Variants in RHBDF2 observed in about 807,000 individuals in gnomAD.
RHBDF2 encodes rhomboid 5 homolog 2.
A neutral mutation model predicts 95.2 loss-of-function variants in RHBDF2; 38 were observed. The ratio of observed to expected loss-of-function variants is 0.40; its 90% CI spans 0.31 to 0.52. RHBDF2 has a LOEUF of 0.52. Ranked by LOEUF, RHBDF2 falls within the 20% of genes least tolerant of loss-of-function variation. The pLI, the probability that RHBDF2 is intolerant of heterozygous loss-of-function variation, is 0.56. For synonymous variants in RHBDF2, 442 were observed against 462.0 expected (o/e 0.96, Z 0.55); for missense variants, 863 against 1,137.7 (o/e 0.76, Z 3.47).
intron 1 of RHBDF2, chr17:76,501,107 C>A (rs1006608829): frequency 1.3e-5 from 2 of 152,248 alleles, no homozygotes; most frequent in African/African-American, 4.8e-5. Flanking sequence ...GCGTCCTGTC[C>A]GAGCCGAGCC....
Position 76,476,791 on chromosome 17 carries a change from C to T in RHBDF2, c.1115+39G>A, listed in dbSNP as rs1294062046. On this transcript the variant is annotated intron_variant, in intron 9 of 18. Coordinates refer to ENST00000675367, the MANE Select transcript of RHBDF2 (RefSeq NM_001005498.4). ...AGGAGGGCCCAGAGGAATTTGGAAC[C>T]TTCCAGGCTCTCCTGGGGGCTCCAG... 5 of 1,543,282 alleles carry T rather than the reference C, an allele frequency of 3.2e-6. No individual in the cohort carries two copies. The African/African-American group carries it at 6.8e-5, about 21-fold the overall frequency.
chr17:76,473,265 G>A lies in RHBDF2; in HGVS notation c.1796C>T (p.Thr599Ile), dbSNP rs1459276321. Reference protein sequence around the residue: ...FMHGYFHEEATLCSQVHCLDK... With the variant: ...FMHGYFHEEAILCSQVHCLDK... The stretch of plus-strand genomic sequence containing the variant: ...GCCTCGCCTCACCTGGGAGCAGAGT[G>A]TTGCTTCCTCATGGAAATAGCCGTG... Residue 599 changes from threonine to isoleucine, a missense_variant, in exon 16 of 19, where the codon ACA becomes ATA. By Grantham distance (89) the Thr-to-Ile change is moderately conservative (BLOSUM62 -1). This residue lies in a region of RHBDF2 where 252 missense variants were observed against 412.2 expected (regional missense o/e 0.61). Transcript: ENST00000675367. 22 of 1,612,702 alleles carry A rather than the reference G, an allele frequency of 1.4e-5. No homozygotes were observed. Among genetic ancestry groups the A allele is most frequent in the Non-Finnish European group, 1.9e-5 (22 of 1,179,388 alleles).
intron 1 of RHBDF2, among the ~76,000 whole-genome samples, chr17:76,489,306 G>A (rs1169022513): frequency 1.3e-5 from 2 of 148,490 alleles, no homozygotes; most frequent in African/African-American, 2.5e-5. Flanking sequence ...TTTAAAGCAC[G>A]AAACCCAGGG....
Position 76,475,029 on chromosome 17 carries a change from C to G in RHBDF2, c.1227+1G>C. On this transcript the variant is annotated splice_donor_variant, in intron 10 of 18. Transcript: ENST00000675367. LOFTEE classifies it high-confidence loss of function. ...CCAGCATGGAGCCTGACCCGACTCACCAGCTGGGTGGTGACGTGCTGGGCA... is the reference window on the plus strand; with the variant it reads ...CCAGCATGGAGCCTGACCCGACTCAGCAGCTGGGTGGTGACGTGCTGGGCA... 2.5e-6 allele frequency: 4 copies of G among 1,578,630 alleles called. No homozygotes were observed. Among genetic ancestry groups the G allele is most frequent in the Non-Finnish European group, 3.4e-6 (4 of 1,161,896 alleles).
At chr17:76,479,348 G>T in intron 4 of RHBDF2, 71 bp from the exon 5 acceptor site, 1 of 1,537,210 alleles carries the variant, frequency 6.5e-7, no homozygotes, top group South Asian at 1.2e-5. Flanking sequence ...TGTGGAAGGG[G>T]TGATGGCACG....
chr17:76,481,996 CACACACAAA>C (rs2073985843), intron 2 of RHBDF2: 1 of 60,832 alleles, frequency 1.6e-5, no homozygotes, highest in African/African-American at 5.1e-5. Flanking sequence ...CACACACACA[CACACACAAA>C]ACCAAAAACA....
At chr17:76,476,648 C>G in intron 9 of RHBDF2, 182 bp downstream of exon 9, 1 of 879,542 alleles carries the variant, frequency 1.1e-6, no homozygotes, top group Non-Finnish European at 1.7e-6. Flanking sequence ...CACCCCTGGC[C>G]CTTCCCAGGT....
At chr17:76,500,595 C>A (rs988813035) in intron 1 of RHBDF2, among the ~76,000 whole-genome samples, 1 of 152,200 alleles carries the variant, frequency 6.6e-6, no homozygotes, top group Non-Finnish European at 1.5e-5. Context: ...GTAGCTCCAA[C>A]CCTAGAGCCC....
At chr17:76,483,593 CTT>C (rs1226223991) in intron 2 of RHBDF2, among the ~76,000 whole-genome samples, 1 of 152,102 alleles carries the variant, frequency 6.6e-6, no homozygotes, top group Non-Finnish European at 1.5e-5. Flanking sequence ...CCCTAGGCCT[CTT>C]GTCTTTTTTG....
intron 1 of RHBDF2, among the ~76,000 whole-genome samples, chr17:76,488,919 G>A (rs1351954641): frequency 6.6e-6 from 1 of 152,096 alleles, no homozygotes; most frequent in Admixed American, 6.6e-5. Context: ...TTGTACTCCA[G>A]CCCAGATGAC....
At chr17:76,485,340 G>C (rs570145611) in intron 2 of RHBDF2, among the ~76,000 whole-genome samples, 1 of 151,350 alleles carries the variant, frequency 6.6e-6, no homozygotes, top group Non-Finnish European at 1.5e-5. Flanking sequence ...GAACCTGGAA[G>C]GTGGAGTTAG....
intron 2 of RHBDF2, among the ~76,000 whole-genome samples, chr17:76,483,734 C>T (rs1011703014): frequency 1.4e-4 from 21 of 152,212 alleles, no homozygotes; most frequent in Admixed American, 7.9e-4. Context: ...GCATACACCG[C>T]GTGTGCTTGT....
chr17:76,498,024 C>T lies in RHBDF2; in HGVS notation c.-220+3329G>A, dbSNP rs541976667. Among the ~76,000 whole-genome samples, 5 of 152,332 alleles carry T rather than the reference C, an allele frequency of 3.3e-5. No individual in the cohort carries two copies. In the South Asian group the frequency reaches 6.2e-4, roughly 19 times the overall value. On this transcript the variant is annotated intron_variant, in intron 1 of 18. Coordinates refer to ENST00000675367, the MANE Select transcript of RHBDF2 (RefSeq NM_001005498.4). Reference sequence around the variant, plus strand: ...CACAAACAACTCCCAGCTGGGCGCCCGGATACATTTGCTGAAGGAGGGGCC... The same window carrying T: ...CACAAACAACTCCCAGCTGGGCGCCTGGATACATTTGCTGAAGGAGGGGCC...
Position 76,471,301 on chromosome 17 carries a change from A to AC in RHBDF2, c.*331dup, listed in dbSNP as rs58073681. Reference sequence around the variant, plus strand: ...GGCACCAGCAGAGGCAGCGCTGAGGACCTGGGAAGAAAAGGACCCTGCCCC... The same window carrying AC: ...GGCACCAGCAGAGGCAGCGCTGAGGACCCTGGGAAGAAAAGGACCCTGCCCC... On this transcript the variant is annotated 3_prime_UTR_variant, in exon 19 of 19. Coordinates refer to ENST00000675367, the MANE Select transcript of RHBDF2 (RefSeq NM_001005498.4). The AC allele has an allele frequency of 0.024, 7,099 of 294,462 alleles. 463 individuals carry two copies. Among genetic ancestry groups the AC allele is most frequent in the African/African-American group, 0.14 (6,320 of 46,550 alleles). 18.2% of individuals were successfully genotyped at this position (294,462 alleles called of 1,614,324 possible).
chr17:76,482,871 A>G (rs1003174777), intron 2 of RHBDF2, among the ~76,000 whole-genome samples: 3 of 152,122 alleles, frequency 2.0e-5, no homozygotes, highest in African/African-American at 7.2e-5. Context: ...CTCATTGAAA[A>G]AAAAAAAAAA....
At chr17:76,486,928 T>C (rs1231768059) in intron 2 of RHBDF2, among the ~76,000 whole-genome samples, 1 of 147,752 alleles carries the variant, frequency 6.8e-6, no homozygotes, top group East Asian at 2.0e-4. Flanking sequence ...CCTTGAGCAG[T>C]GCCGGTCCCA....
intron 1 of RHBDF2, among the ~76,000 whole-genome samples, chr17:76,488,392 C>T (rs2074201224): frequency 6.6e-6 from 1 of 151,958 alleles, no homozygotes; most frequent in Non-Finnish European, 1.5e-5. Context: ...CCCAGCTACT[C>T]GGGAGGTTGA....
rs1231574585 is a variant in RHBDF2, at chr17:76,471,367, G to C, written c.*266C>G. The C allele has an allele frequency of 2.0e-6, 1 of 490,962 alleles. No individual in the cohort carries two copies. Among genetic ancestry groups the C allele is most frequent in the Non-Finnish European group, 3.6e-6 (1 of 277,216 alleles). The allele number at this position is 490,962 out of a possible 1,614,324, so 30.4% of individuals were successfully genotyped here. A position where few individuals can be genotyped will look rare whatever the true frequency, so the allele number is the denominator to read the frequency against. On this transcript the variant is annotated 3_prime_UTR_variant, in exon 19 of 19. Transcript: ENST00000675367. Reference sequence around the variant, plus strand: ...CAAGGAGCGGGATATTAGGAACTGAGACCCAAGACTCAGAGAGGCAGGTGC... The same window carrying C: ...CAAGGAGCGGGATATTAGGAACTGACACCCAAGACTCAGAGAGGCAGGTGC...
intron 12 of RHBDF2, 88 bp downstream of exon 12, chr17:76,474,285 A>C: frequency 6.9e-7 from 1 of 1,454,794 alleles, no homozygotes. Context: ...GGAGGAGGGA[A>C]CGTGGTCACT....
Sources: gnomAD v4.1 joint callset for allele counts (sites outside exome capture counted in the v4.1 genomes callset) on GRCh38, gnomAD v4.1.1 for gene constraint, gnomAD v4.1.1 regional missense constraint, MANE v1.5 for transcripts, NCBI Gene and HGNC (gene_info 2026-07-23, HGNC 2026-07-21) for gene names.